Variants in JAKMIP1 observed in about 807,000 individuals in gnomAD.
JAKMIP1 encodes the protein janus kinase and microtubule-interacting protein 1.
In JAKMIP1, 33 loss-of-function variants were observed where a neutral mutation model predicts 113.0. That is an observed-to-expected ratio of 0.29 (90% CI 0.22 to 0.39). JAKMIP1 has a LOEUF of 0.39. Among genes scored for constraint, JAKMIP1 ranks in the 10% least tolerant of loss-of-function variants. JAKMIP1 has a pLI of 1.00. For missense variants in JAKMIP1, 813 were observed against 1,080.5 expected, an observed-to-expected ratio of 0.75 and a Z score of 3.47; for synonymous variants, 480 against 459.9, an observed-to-expected ratio of 1.04 and a Z score of -0.56.
rs1713764528 is a variant in JAKMIP1, at chr4:6,105,505, T to C, written c.592A>G (p.Lys198Glu). The change falls in exon 3 of 21, where the codon AAG (lysine) becomes GAG (glutamate). Residue 198 changes from lysine (K) to glutamate (E), a missense_variant. Coordinates refer to ENST00000409021, the MANE Select transcript of JAKMIP1 (RefSeq NM_001099433.2). ...QAHQDEVHRI[K>E]RECERDIRRL... ...CGGATGTCGCGCTCGCACTCGCGCTTGATGCGGTGCACCTCGTCTTGGTGC... is the reference window on the plus strand; with the variant it reads ...CGGATGTCGCGCTCGCACTCGCGCTCGATGCGGTGCACCTCGTCTTGGTGC... The C allele has an allele frequency of 6.2e-7, 1 of 1,609,396 alleles. No individual in the cohort carries two copies. Among genetic ancestry groups the C allele is most frequent in the East Asian group, 2.2e-5 (1 of 44,782 alleles).
intron 2 of JAKMIP1, among the ~76,000 whole-genome samples, chr4:6,109,862 A>G (rs974060263): frequency 1.3e-5 from 2 of 152,188 alleles, no homozygotes; most frequent in Non-Finnish European, 2.9e-5. Context: ...ACCAGTCAAT[A>G]AGCACATTAC....
Position 6,050,778 on chromosome 4 carries a change from G to A in JAKMIP1, c.1807-99C>T. On this transcript the variant is annotated intron_variant, in intron 13 of 20. Transcript: ENST00000409021. This position sits in a 1 kb window ranked among gnomAD's most constrained non-coding sequence, Gnocchi z 7.4. ...AGCAAAAACCAAGGAATTCCAGTGG[G>A]CACAGACGTTACTAAAAAGCACGAG... 3.2e-6 allele frequency: 3 copies of A among 929,452 alleles called. No individual in the cohort carries two copies. The highest frequency in any genetic ancestry group is 3.1e-5 in the South Asian group (2 of 65,076). 57.6% of individuals were successfully genotyped at this position (929,452 alleles called of 1,614,324 possible).
intron 1 of JAKMIP1, among the ~76,000 whole-genome samples, chr4:6,174,459 C>T (rs1180510046): frequency 6.6e-6 from 1 of 152,210 alleles, no homozygotes; most frequent in African/African-American, 2.4e-5. Flanking sequence ...TCTTCGGCTC[C>T]GTGTTTAAGA....
At chr4:6,110,036 C>T (rs1418143108) in intron 2 of JAKMIP1, among the ~76,000 whole-genome samples, 1 of 152,114 alleles carries the variant, frequency 6.6e-6, no homozygotes, top group African/African-American at 2.4e-5. Context: ...ACAGGGAGGC[C>T]CAGCCTGGGG....
At chr4:6,068,349 C>G (rs1033820836) in intron 8 of JAKMIP1, among the ~76,000 whole-genome samples, 2 of 152,136 alleles carry the variant, frequency 1.3e-5, no homozygotes, top group Non-Finnish European at 2.9e-5. Flanking sequence ...GAGACCAAGA[C>G]TCCACAGAAC....
intron 3 of JAKMIP1, among the ~76,000 whole-genome samples, chr4:6,100,288 G>C (rs964885361): frequency 6.6e-6 from 1 of 152,146 alleles, no homozygotes; most frequent in South Asian, 2.1e-4. Context: ...TGGATATATA[G>C]ATTTGGCTAT....
At chr4:6,169,184 A>G (rs66583380) in intron 1 of JAKMIP1, among the ~76,000 whole-genome samples, 7,197 of 152,276 alleles carry the variant, frequency 0.047, 190 homozygotes, top group South Asian at 0.072. Flanking sequence ...ATTGGGTTGA[A>G]TAGTGCTTCC....
At position 6,154,793 on chromosome 4, in the gene JAKMIP1, C is replaced by A. The variant is rs1028993721; in HGVS notation, c.-147-41796G>T. Among the ~76,000 whole-genome samples, 2 of 152,180 alleles carry A rather than the reference C, an allele frequency of 1.3e-5. No individual in the cohort carries two copies. Among genetic ancestry groups the A allele is most frequent in the African/African-American group, 4.8e-5 (2 of 41,446 alleles). On this transcript the variant is annotated intron_variant, in intron 1 of 20. Coordinates refer to ENST00000409021, the MANE Select transcript of JAKMIP1 (RefSeq NM_001099433.2). This position sits in a 1 kb window ranked among gnomAD's most constrained non-coding sequence, Gnocchi z 4.2. Reference sequence around the variant, plus strand: ...ACAGCACCCTAAACATCCTGTTCTGCCTTTGTATCCAGTGGACAGTCCTTC... The same window carrying A: ...ACAGCACCCTAAACATCCTGTTCTGACTTTGTATCCAGTGGACAGTCCTTC...
intron 2 of JAKMIP1, among the ~76,000 whole-genome samples, chr4:6,111,950 T>G (rs1715004057): frequency 6.6e-6 from 1 of 152,238 alleles, no homozygotes; most frequent in Admixed American, 6.5e-5. Flanking sequence ...CCTGACCATC[T>G]GAACGGATCC....
chr4:6,034,147 A>G (rs1713094439), intron 19 of JAKMIP1, among the ~76,000 whole-genome samples: 2 of 94,318 alleles, frequency 2.1e-5, no homozygotes, highest in Non-Finnish European at 4.0e-5. Flanking sequence ...GTAAAATCCT[A>G]TATACAGGGT....
intron 1 of JAKMIP1, among the ~76,000 whole-genome samples, chr4:6,134,659 G>C (rs1361581908): frequency 6.6e-6 from 1 of 152,174 alleles, no homozygotes; most frequent in Non-Finnish European, 1.5e-5. Flanking sequence ...TGACAGCCAG[G>C]CCTGTTGCCT....
At chr4:6,126,351 C>CACA (rs1368135941) in intron 1 of JAKMIP1, among the ~76,000 whole-genome samples, 15 of 149,930 alleles carry the variant, frequency 1.0e-4, no homozygotes, top group African/African-American at 3.2e-4. Flanking sequence ...CACACACACA[C>CACA]CATGCAGAAA....
At chr4:6,159,547 C>A (rs4437322) in intron 1 of JAKMIP1, among the ~76,000 whole-genome samples, 1 of 151,942 alleles carries the variant, frequency 6.6e-6, no homozygotes, top group African/African-American at 2.4e-5. Context: ...AATGGAGAAA[C>A]AATTCTCAAA....
Position 6,155,660 on chromosome 4 carries a change from A to G in JAKMIP1, c.-147-42663T>C, listed in dbSNP as rs570649393. On this transcript the variant is annotated intron_variant, in intron 1 of 20. Coordinates refer to ENST00000409021, the MANE Select transcript of JAKMIP1 (RefSeq NM_001099433.2). The surrounding 1 kb of genome is among the most constrained non-coding windows in gnomAD (Gnocchi z 6.1). ...CGGATGTGCTGTTTACAACAAGGAAAATAAGCAGCCAACTAAATATTTGCT... is the reference window on the plus strand; with the variant it reads ...CGGATGTGCTGTTTACAACAAGGAAGATAAGCAGCCAACTAAATATTTGCT... 3.3e-5 allele frequency among the ~76,000 whole-genome samples: 5 copies of G among 152,374 alleles called. No homozygotes were observed. The East Asian group carries it at 9.6e-4, about 29-fold the overall frequency.
At chr4:6,043,305 C>A (rs527275529) in intron 16 of JAKMIP1, among the ~76,000 whole-genome samples, 1 of 151,994 alleles carries the variant, frequency 6.6e-6, no homozygotes, top group South Asian at 2.1e-4. Flanking sequence ...CCCCCTTTCC[C>A]GACCCCAGGC....
rs553081757 is a variant in JAKMIP1 at position 6,191,363 on chromosome 4, G to A, written c.-148+8890C>T. The stretch of plus-strand genomic sequence containing the variant: ...CTGAGGCCCTCAGAGAACTCATCAC[G>A]GGCCTTAGTGGCTGGGTCAGCCTCT... On this transcript the variant is annotated intron_variant, in intron 1 of 20. Coordinates refer to ENST00000409021, the MANE Select transcript of JAKMIP1 (RefSeq NM_001099433.2). 3.3e-5 allele frequency among the ~76,000 whole-genome samples: 5 copies of A among 152,284 alleles called. No individual in the cohort carries two copies. The South Asian group carries it at 8.3e-4, about 25-fold the overall frequency.
intron 1 of JAKMIP1, among the ~76,000 whole-genome samples, chr4:6,131,055 C>T (rs1488131237): frequency 6.7e-6 from 1 of 150,236 alleles, no homozygotes; most frequent in Non-Finnish European, 1.5e-5. Flanking sequence ...ACACCTCCCA[C>T]CTCAGCTGAA....
intron 11 of JAKMIP1, among the ~76,000 whole-genome samples, chr4:6,058,461 A>G (rs1321289580): frequency 6.6e-6 from 1 of 152,194 alleles, no homozygotes; most frequent in Non-Finnish European, 1.5e-5. Context: ...CTCGCAGCTT[A>G]TGTCCCTTCC....
At chr4:6,175,362 G>T (rs555270997) in intron 1 of JAKMIP1, among the ~76,000 whole-genome samples, 4 of 152,290 alleles carry the variant, frequency 2.6e-5, no homozygotes, top group Non-Finnish European at 5.9e-5. Flanking sequence ...CTACATTCAC[G>T]CTGCCTCTGG....
Sources: gnomAD v4.1 joint callset for allele counts (sites outside exome capture counted in the v4.1 genomes callset) on GRCh38, gnomAD v4.1.1 for gene constraint, Gnocchi (gnomAD v3.1) non-coding constraint, MANE v1.5 for transcripts, NCBI Gene and HGNC (gene_info 2026-07-23, HGNC 2026-07-21) for gene names.